The following CFAP96 variants were observed in gnomAD, a reference collection of about 807,000 sequenced individuals.
CFAP96 encodes cilia and flagella associated protein 96.
the CFAP96 span, chr4:185,415,785 C>G: frequency 1.2e-6 from 2 of 1,613,784 alleles, no homozygotes; most frequent in East Asian, 2.2e-5. Context: ...ATGGTGTCCT[C>G]CGCTTTCCCT....
chr4:185,411,622 A>T, the CFAP96 span, among the ~76,000 whole-genome samples: 4 of 152,170 alleles, frequency 2.6e-5, no homozygotes, highest in Admixed American at 2.6e-4. Flanking sequence ...AAAGTATTTA[A>T]GGGTAAATAA....
chr4:185,415,181 C>T, the CFAP96 span: 2 of 1,601,192 alleles, frequency 1.2e-6, no homozygotes, highest in Non-Finnish European at 1.7e-6. Context: ...AGCTGGCCAT[C>T]TGGTATTCCT....
chr4:185,429,386 A>G, the CFAP96 span: 1 of 1,438,476 alleles, frequency 7.0e-7, no homozygotes, highest in Middle Eastern at 1.7e-4. Flanking sequence ...TTAGCGGTAT[A>G]GAGAGTACCA....
chr4:185,429,899 G>C, the CFAP96 span, among the ~76,000 whole-genome samples: 1 of 152,092 alleles, frequency 6.6e-6, no homozygotes, highest in African/African-American at 2.4e-5. Context: ...TTGAACTCTT[G>C]ACCTCAAGAG....
At chr4:185,442,814 T>C in the CFAP96 span, among the ~76,000 whole-genome samples, 2 of 152,202 alleles carry the variant, frequency 1.3e-5, no homozygotes, top group Non-Finnish European at 2.9e-5. Flanking sequence ...AGACTATCCC[T>C]TCACTCCCCA....
the CFAP96 span, chr4:185,429,419 C>T: frequency 2.2e-5 from 33 of 1,530,894 alleles, no homozygotes; most frequent in Non-Finnish European, 2.6e-5. Flanking sequence ...ACCATGCCTG[C>T]GGAAGGAGGA....
At chr4:185,429,345 A>G in the CFAP96 span, 1 of 894,254 alleles carries the variant, frequency 1.1e-6, no homozygotes, top group Non-Finnish European at 1.6e-6. Context: ...ACTTTGCTAT[A>G]AAACACGTGA....
the CFAP96 span, among the ~76,000 whole-genome samples, chr4:185,408,871 A>C: frequency 1.3e-5 from 2 of 151,792 alleles, no homozygotes; most frequent in Non-Finnish European, 2.9e-5. Flanking sequence ...CAAACGGCCC[A>C]CTCATTCTCT....
At chr4:185,423,315 T>C in the CFAP96 span, among the ~76,000 whole-genome samples, 1 of 152,228 alleles carries the variant, frequency 6.6e-6, no homozygotes, top group South Asian at 2.1e-4. Context: ...AGTTTAAGAA[T>C]GTGACAAGGC....
At chr4:185,445,401 T>C in the CFAP96 span, 1 of 889,900 alleles carries the variant, frequency 1.1e-6, no homozygotes, top group South Asian at 1.6e-5. Flanking sequence ...AGCGCCTCAT[T>C]ATGAGTCATT....
chr4:185,419,352 G>C, the CFAP96 span, among the ~76,000 whole-genome samples: 2 of 152,016 alleles, frequency 1.3e-5, no homozygotes, highest in East Asian at 1.9e-4. Context: ...GGATGGTCTC[G>C]ATCTCCTGAC....
At chr4:185,429,403 G>A in the CFAP96 span, 1 of 1,517,710 alleles carries the variant, frequency 6.6e-7, no homozygotes, top group South Asian at 1.3e-5. Flanking sequence ...ACCACCACCA[G>A]ACGCCACCAT....
At chr4:185,439,944 TCA>T in the CFAP96 span, among the ~76,000 whole-genome samples, 754 of 143,694 alleles carry the variant, frequency 5.2e-3, 9 homozygotes, top group African/African-American at 0.019. Context: ...CATATATGTA[TCA>T]TATATATGAT....
At chr4:185,438,150 C>T in the CFAP96 span, among the ~76,000 whole-genome samples, 1 of 151,834 alleles carries the variant, frequency 6.6e-6, no homozygotes, top group Non-Finnish European at 1.5e-5. Context: ...GGAATATTTC[C>T]AGTTATTATT....
At chr4:185,424,379 C>T in the CFAP96 span, among the ~76,000 whole-genome samples, 1 of 152,186 alleles carries the variant, frequency 6.6e-6, no homozygotes, top group East Asian at 1.9e-4. Flanking sequence ...CTCCAATCCT[C>T]AGAACAGTAT....
At chr4:185,432,024 C>T in the CFAP96 span, 3 of 1,551,574 alleles carry the variant, frequency 1.9e-6, no homozygotes, top group Non-Finnish European at 2.6e-6. Flanking sequence ...CAGATGCTAC[C>T]TGGAGGGTCC....
At chr4:185,420,026 C>T in the CFAP96 span, among the ~76,000 whole-genome samples, 1 of 152,226 alleles carries the variant, frequency 6.6e-6, no homozygotes, top group Non-Finnish European at 1.5e-5. Context: ...ATATTCCCAT[C>T]AGTAATCTAT....
chr4:185,432,215 G>C, the CFAP96 span: 1 of 1,542,840 alleles, frequency 6.5e-7, no homozygotes, highest in South Asian at 1.2e-5. Context: ...AGTGTTTTTT[G>C]GGAAAAGTCT....
At chr4:185,426,265 G>A in the CFAP96 span, 2 of 200,678 alleles carry the variant, frequency 1.0e-5, no homozygotes, top group South Asian at 9.2e-5. Flanking sequence ...GAGGCGCTGC[G>A]CAGCCCAGGC....
Sources: allele counts gnomAD v4.1 joint callset (sites outside exome capture counted in the v4.1 genomes callset), GRCh38; gene constraint gnomAD v4.1.1; transcripts MANE v1.5; gene names NCBI Gene and HGNC (gene_info 2026-07-23, HGNC 2026-07-21).